The following ZNF704 variants were observed in gnomAD, a reference collection of about 807,000 sequenced individuals.
The protein encoded by ZNF704 is glucocorticoid induced gene 1.
A neutral mutation model predicts 44.7 loss-of-function variants in ZNF704; 10 were observed. That is an observed-to-expected ratio of 0.22 (90% CI 0.14 to 0.38). ZNF704 has a LOEUF of 0.38. ZNF704 is among the 10% of genes least tolerant of loss of function. ZNF704 has a pLI of 1.00. For missense variants in ZNF704, 390 were observed against 545.5 expected (o/e 0.71, Z 2.84); for synonymous variants, 211 against 207.6 (o/e 1.02, Z -0.14).
chr8:80,693,219 C>T (rs62515118), intron 2 of ZNF704, 112 bp from the exon 3 acceptor site: 27 of 850,814 alleles, frequency 3.2e-5, no homozygotes, highest in Middle Eastern at 2.3e-4. Context: ...CCATGAACAA[C>T]CGATGTTCTG....
At chr8:80,796,001 T>G (rs1807795043) in intron 2 of ZNF704, among the ~76,000 whole-genome samples, 1 of 152,164 alleles carries the variant, frequency 6.6e-6, no homozygotes, top group African/African-American at 2.4e-5. Context: ...GCTCCAAAAT[T>G]TGTGCCCTTT....
At chr8:80,744,318 G>C (rs943586017) in intron 2 of ZNF704, among the ~76,000 whole-genome samples, 1 of 151,992 alleles carries the variant, frequency 6.6e-6, no homozygotes, top group African/African-American at 2.4e-5. Context: ...CTAGAACATT[G>C]AAGTAACATT....
At position 80,704,224 on chromosome 8, in the gene ZNF704, C is replaced by T. The variant is rs191999367; in HGVS notation, c.222-11117G>A. Among the ~76,000 whole-genome samples the T allele has an allele frequency of 3.0e-4, 46 of 152,324 alleles. 1 individual carries two copies. In the East Asian group the frequency reaches 8.3e-3, roughly 27 times the overall value. ...TTCTTGATGTGAGCAGGCTGCAAAG[C>T]ACAGCTCAGGGAGGCATCTCGAACA... On this transcript the variant is annotated intron_variant, in intron 2 of 8. Coordinates refer to ENST00000327835, the MANE Select transcript of ZNF704 (RefSeq NM_001033723.3).
At chr8:80,760,850 T>A (rs1429215865) in intron 2 of ZNF704, among the ~76,000 whole-genome samples, 1 of 152,018 alleles carries the variant, frequency 6.6e-6, no homozygotes, top group African/African-American at 2.4e-5. Flanking sequence ...GAAGCAGGCA[T>A]GTCACATGGC....
At chr8:80,798,074 A>G (rs957862613) in intron 2 of ZNF704, among the ~76,000 whole-genome samples, 5 of 151,934 alleles carry the variant, frequency 3.3e-5, no homozygotes, top group African/African-American at 7.3e-5. Context: ...TTTAATTTTT[A>G]AAATTTTTAA....
chr8:80,849,703 T>G (rs1350088177), intron 1 of ZNF704, among the ~76,000 whole-genome samples: 1 of 152,188 alleles, frequency 6.6e-6, no homozygotes, highest in East Asian at 1.9e-4. Flanking sequence ...AGAATATCAT[T>G]TGGATTCTGG....
intron 2 of ZNF704, among the ~76,000 whole-genome samples, chr8:80,774,858 T>G (rs1199973254): frequency 1.3e-5 from 2 of 152,232 alleles, no homozygotes; most frequent in African/African-American, 4.8e-5. Flanking sequence ...TCTATGCTGT[T>G]GACATTTCCT....
chr8:80,861,250 A>G (rs1809056462), intron 1 of ZNF704, among the ~76,000 whole-genome samples: 1 of 152,138 alleles, frequency 6.6e-6, no homozygotes, highest in Admixed American at 6.5e-5. Context: ...AACCCCCTTG[A>G]GCTTTGATGA....
chr8:80,768,201 G>A (rs1807260133), intron 2 of ZNF704, among the ~76,000 whole-genome samples: 1 of 152,102 alleles, frequency 6.6e-6, no homozygotes, highest in South Asian at 2.1e-4. Context: ...TTAATCAGAT[G>A]TCAGAAATGA....
chr8:80,697,741 C>T (rs1291555529), intron 2 of ZNF704, among the ~76,000 whole-genome samples: 1 of 152,208 alleles, frequency 6.6e-6, no homozygotes, highest in Non-Finnish European at 1.5e-5. Flanking sequence ...TTCATGTTAT[C>T]TCAGCTATTA....
chr8:80,771,844 G>A (rs144179810), intron 2 of ZNF704, among the ~76,000 whole-genome samples: 61 of 152,230 alleles, frequency 4.0e-4, no homozygotes, highest in Non-Finnish European at 8.8e-5. Context: ...CCTTTATCAG[G>A]TTTAGGAAGT....
chr8:80,834,482 T>A (rs1018150241), intron 1 of ZNF704, among the ~76,000 whole-genome samples: 1 of 151,890 alleles, frequency 6.6e-6, no homozygotes, highest in Non-Finnish European at 1.5e-5. Context: ...ATCAGTGTTG[T>A]TAATGCTGGG....
intron 3 of ZNF704, among the ~76,000 whole-genome samples, chr8:80,687,900 C>T (rs1563519210): frequency 6.6e-6 from 1 of 152,166 alleles, no homozygotes; most frequent in East Asian, 1.9e-4. Flanking sequence ...CCGATTTCAA[C>T]ATTTTTTTAA....
intron 1 of ZNF704, among the ~76,000 whole-genome samples, chr8:80,834,214 G>T (rs962445666): frequency 6.6e-6 from 1 of 151,864 alleles, no homozygotes; most frequent in Non-Finnish European, 1.5e-5. Context: ...TAACAAAAGA[G>T]AAATCCTATC....
chr8:80,702,502 C>T (rs936429328), intron 2 of ZNF704, among the ~76,000 whole-genome samples: 1 of 152,022 alleles, frequency 6.6e-6, no homozygotes, highest in Non-Finnish European at 1.5e-5. Context: ...CTGGACTAGC[C>T]CTATGCCAGG....
intron 2 of ZNF704, among the ~76,000 whole-genome samples, chr8:80,741,908 G>A (rs1469197665): frequency 1.3e-5 from 2 of 152,132 alleles, no homozygotes; most frequent in Admixed American, 1.3e-4. Context: ...CATTCAGCTG[G>A]CAAAACTAAT....
intron 1 of ZNF704, among the ~76,000 whole-genome samples, chr8:80,864,545 C>A (rs1341218339): frequency 5.9e-5 from 9 of 152,146 alleles, no homozygotes; most frequent in Non-Finnish European, 8.8e-5. Context: ...TGTATCTCTA[C>A]TTTTAAGTGG....
intron 2 of ZNF704, among the ~76,000 whole-genome samples, chr8:80,701,658 G>A (rs1185709613): frequency 6.6e-6 from 1 of 152,174 alleles, no homozygotes; most frequent in African/African-American, 2.4e-5. Context: ...ATGAGGAGAG[G>A]AGTCCAGTGA....
intron 2 of ZNF704, among the ~76,000 whole-genome samples, chr8:80,707,871 A>G (rs1033116805): frequency 6.6e-6 from 1 of 152,244 alleles, no homozygotes; most frequent in Non-Finnish European, 1.5e-5. Flanking sequence ...TGCACAAAAT[A>G]TTGCTTTACG....
Sources: allele counts gnomAD v4.1 joint callset (sites outside exome capture counted in the v4.1 genomes callset), GRCh38; gene constraint gnomAD v4.1.1; transcripts MANE v1.5; gene names NCBI Gene and HGNC (gene_info 2026-07-23, HGNC 2026-07-21).